COG6: variants seen among roughly 807,000 people sequenced by gnomAD.
The protein encoded by COG6 is conserved oligomeric Golgi complex subunit 6.
COG6 carries 74 observed loss-of-function variants against 88.8 expected under a neutral mutation model. The observed-to-expected ratio is 0.83, with a 90% CI of 0.69 to 1.01. The LOEUF (loss-of-function observed/expected upper bound fraction) is 1.01. Among genes scored for constraint, COG6 ranks in the 50% least tolerant of loss-of-function variants. The pLI, the probability that COG6 is intolerant of heterozygous loss-of-function variation, is 0.00. For missense variants in COG6, 800 were observed against 797.9 expected (o/e 1.00, Z -0.03); for synonymous variants, 286 against 278.7 (o/e 1.03, Z -0.26).
At chr13:39,773,597 T>TA (rs1306854480) in intron 18 of COG6, among the ~76,000 whole-genome samples, 1 of 152,214 alleles carries the variant, frequency 6.6e-6, no homozygotes, top group Non-Finnish European at 1.5e-5. Flanking sequence ...ACTTAGGAGT[T>TA]ACTCTATTTA....
downstream of COG6, among the ~76,000 whole-genome samples, chr13:39,756,664 A>G (rs1233954051): frequency 4.6e-5 from 7 of 152,258 alleles, no homozygotes; most frequent in East Asian, 1.4e-3. Context: ...GATCCTCCAT[A>G]AGATGAATAT....
At chr13:39,699,754 T>C in intron 13 of COG6, 136 bp downstream of exon 13, 1 of 631,336 alleles carries the variant, frequency 1.6e-6, no homozygotes, top group Non-Finnish European at 2.9e-6. Context: ...CCAACAACTT[T>C]CATTTTGAGA....
intron 4 of COG6, among the ~76,000 whole-genome samples, chr13:39,672,462 T>C (rs1260871076): frequency 6.6e-6 from 1 of 152,020 alleles, no homozygotes; most frequent in Non-Finnish European, 1.5e-5. Flanking sequence ...ACTTTCTGCC[T>C]CTCTAAATTT....
downstream of COG6, among the ~76,000 whole-genome samples, chr13:39,756,996 A>G (rs1482583930): frequency 6.6e-6 from 1 of 152,214 alleles, no homozygotes. Context: ...GATCCCATAG[A>G]CATCAGTGGA....
At chr13:39,752,700 A>G (rs1459205170), downstream of COG6, 1 of 1,147,786 alleles carries the variant, frequency 8.7e-7, no homozygotes. Flanking sequence ...AAATGCACTA[A>G]TGGAAAAGGA....
At chr13:39,664,664 T>C (rs1875131054) in intron 3 of COG6, among the ~76,000 whole-genome samples, 1 of 152,208 alleles carries the variant, frequency 6.6e-6, no homozygotes, top group Non-Finnish European at 1.5e-5. Context: ...TTCAAACTTT[T>C]ACCTCCATCT....
intron 3 of COG6, chr13:39,664,140 A>G (rs1875093658): frequency 6.5e-6 from 1 of 154,796 alleles, no homozygotes; most frequent in African/African-American, 2.4e-5. Context: ...AGGCAGCTCT[A>G]GAAAGAAACC....
At chr13:39,722,894 G>T (rs1395751851) in intron 15 of COG6, among the ~76,000 whole-genome samples, 1 of 152,028 alleles carries the variant, frequency 6.6e-6, no homozygotes, top group Admixed American at 6.6e-5. Context: ...TACCTGAGCT[G>T]TAGTGGGATT....
intron 18 of COG6, among the ~76,000 whole-genome samples, chr13:39,768,823 G>A (rs1450373961): frequency 1.3e-5 from 2 of 152,074 alleles, no homozygotes; most frequent in East Asian, 3.9e-4. Context: ...AAATACTCTT[G>A]CATCTGCCTG....
At position 39,781,528 on chromosome 13, in the gene COG6, C is replaced by T. The variant is rs191620634; in HGVS notation, c.1827-6807C>T. Among the ~76,000 whole-genome samples the T allele has an allele frequency of 4.3e-3, 649 of 151,102 alleles. 4 individuals are homozygous for T. The highest frequency in any genetic ancestry group is 0.011 in the Admixed American group (165 of 15,174). On this transcript the variant is annotated intron_variant, in intron 18 of 18. Coordinates refer to the COG6 transcript ENST00000416691. Reference sequence around the variant, plus strand: ...GATGCAGGCTGTGATCGCTGAATAACCTTCTTATTTTGACTCACAGCTTGA... The same window carrying T: ...GATGCAGGCTGTGATCGCTGAATAATCTTCTTATTTTGACTCACAGCTTGA...
chr13:39,667,249 A>G (rs1304324053), intron 4 of COG6, among the ~76,000 whole-genome samples: 2 of 152,198 alleles, frequency 1.3e-5, no homozygotes, highest in African/African-American at 2.4e-5. Flanking sequence ...TTTAAAAACA[A>G]CTAAGTATCA....
intron 11 of COG6, among the ~76,000 whole-genome samples, chr13:39,690,277 C>A (rs1876909255): frequency 6.6e-6 from 1 of 151,884 alleles, no homozygotes; most frequent in Admixed American, 6.6e-5. Flanking sequence ...GTTTATAGTG[C>A]AAGGAACAGA....
chr13:39,691,204 C>T (rs1186248079), intron 11 of COG6, among the ~76,000 whole-genome samples: 1 of 151,676 alleles, frequency 6.6e-6, no homozygotes, highest in Non-Finnish European at 1.5e-5. Flanking sequence ...TTATAATGGA[C>T]TTTTCAGTTT....
chr13:39,702,083 T>C (rs1487605664), intron 13 of COG6, among the ~76,000 whole-genome samples: 1 of 152,022 alleles, frequency 6.6e-6, no homozygotes, highest in Non-Finnish European at 1.5e-5. Context: ...GTGCTAATCA[T>C]CTGAAAATCA....
At chr13:39,666,610 T>C (rs908548673) in intron 4 of COG6, among the ~76,000 whole-genome samples, 1 of 152,112 alleles carries the variant, frequency 6.6e-6, no homozygotes, top group Non-Finnish European at 1.5e-5. Flanking sequence ...TTTGAGCCCT[T>C]AATCCTTCTT....
intron 13 of COG6, among the ~76,000 whole-genome samples, chr13:39,718,383 A>T (rs746191080): frequency 6.8e-4 from 104 of 152,106 alleles, no homozygotes; most frequent in Non-Finnish European, 1.3e-3. Flanking sequence ...TGCTATTTTT[A>T]AAAAATTTAC....
chr13:39,681,287 CCT>C (rs1876298521), intron 7 of COG6, among the ~76,000 whole-genome samples: 1 of 152,156 alleles, frequency 6.6e-6, no homozygotes, highest in Non-Finnish European at 1.5e-5. Context: ...TGTTTTTCTA[CCT>C]CTCTCCTTCT....
chr13:39,730,695 AC>A (rs1186432741), intron 18 of COG6, among the ~76,000 whole-genome samples: 2 of 134,894 alleles, frequency 1.5e-5, no homozygotes, highest in Non-Finnish European at 1.5e-5. Flanking sequence ...AATCGCTTGA[AC>A]CCGGGAGGTG....
intron 18 of COG6, among the ~76,000 whole-genome samples, chr13:39,766,710 T>A (rs926069256): frequency 2.6e-5 from 4 of 152,044 alleles, no homozygotes; most frequent in African/African-American, 7.2e-5. Context: ...CAGCACCCCC[T>A]CCCCAAGCTC....
Sources: gnomAD v4.1 joint callset for allele counts (sites outside exome capture counted in the v4.1 genomes callset) on GRCh38, gnomAD v4.1.1 for gene constraint, MANE v1.5 for transcripts, NCBI Gene and HGNC (gene_info 2026-07-23, HGNC 2026-07-21) for gene names.